Variants in FBXO27 observed in about 807,000 individuals in gnomAD.
FBXO27 encodes F-box protein 27.
Under a neutral mutation model 28.3 loss-of-function variants are expected in FBXO27, and 28 were observed. That is an observed-to-expected ratio of 0.99 (90% CI 0.73 to 1.36). FBXO27 has a LOEUF of 1.36. FBXO27 is among the 40% of genes most tolerant of loss of function. The probability of loss-of-function intolerance (pLI) is 0.00; values close to 1 mark genes in which losing one functional copy is unlikely to be tolerated. For synonymous variants in FBXO27, 175 were observed against 167.3 expected, an observed-to-expected ratio of 1.05 and a Z score of -0.36; for missense variants, 388 against 394.1, an observed-to-expected ratio of 0.98 and a Z score of 0.13.
intron 2 of FBXO27, among the ~76,000 whole-genome samples, chr19:39,011,196 T>C (rs1377689323): frequency 6.6e-6 from 1 of 152,184 alleles, no homozygotes; most frequent in Non-Finnish European, 1.5e-5. Context: ...TTTGGGAGGC[T>C]GAGGAGGGCG....
At chr19:39,008,209 G>A (rs922329441) in intron 2 of FBXO27, among the ~76,000 whole-genome samples, 2 of 151,584 alleles carry the variant, frequency 1.3e-5, no homozygotes, top group Non-Finnish European at 2.9e-5. Flanking sequence ...AGGTTGCAGT[G>A]AGCGGAGATG....
chr19:39,006,161 C>T (rs1975733083), intron 2 of FBXO27, among the ~76,000 whole-genome samples: 1 of 152,176 alleles, frequency 6.6e-6, no homozygotes, highest in Non-Finnish European at 1.5e-5. Flanking sequence ...GTGGTTCATG[C>T]CTGTAATCTT....
At chr19:39,009,413 T>A (rs1232346244) in intron 2 of FBXO27, among the ~76,000 whole-genome samples, 1 of 152,202 alleles carries the variant, frequency 6.6e-6, no homozygotes, top group Non-Finnish European at 1.5e-5. Context: ...CCATCAGCAA[T>A]GTGTGAGGAT....
chr19:39,007,541 G>C (rs1292852309), intron 2 of FBXO27, among the ~76,000 whole-genome samples: 2 of 152,094 alleles, frequency 1.3e-5, no homozygotes, highest in Non-Finnish European at 2.9e-5. Context: ...GAAAGTTCTC[G>C]GGAGTAGTTC....
At chr19:39,026,281 T>G (rs1004709042) in intron 5 of FBXO27, among the ~76,000 whole-genome samples, 6 of 152,056 alleles carry the variant, frequency 3.9e-5, no homozygotes, top group Admixed American at 1.3e-4. Context: ...GGAGAAGCTC[T>G]GAGACTAAAT....
In FBXO27 at chr19:39,016,550, G is replaced by C. The variant is rs565609087; in HGVS notation, c.92-2003C>G. Among the ~76,000 whole-genome samples, 25 of 143,796 alleles carry C rather than the reference G, an allele frequency of 1.7e-4. No individual in the cohort carries two copies. The East Asian group carries it at 4.9e-3, about 28-fold the overall frequency. The allele number at this position is 143,796 out of a possible 152,430, so 94.3% of individuals were successfully genotyped here. A position where few individuals can be genotyped will look rare whatever the true frequency, so the allele number is the denominator to read the frequency against. ...GAAGATAACTTGAACTCAGGAGTTC[G>C]AGACCAGCCTGGGCAACATAGTGAG... On this transcript the variant is annotated intron_variant, in intron 1 of 2. Transcript: ENST00000598394.
chr19:39,011,827 CTTTTTT>C (rs71167612), intron 2 of FBXO27, among the ~76,000 whole-genome samples: 2 of 123,768 alleles, frequency 1.6e-5, no homozygotes, highest in Admixed American at 1.8e-4. Flanking sequence ...ATTTTCTTTT[CTTTTTT>C]TTTTTTTTTT....
intron 2 of FBXO27, among the ~76,000 whole-genome samples, chr19:39,012,473 C>T (rs533357524): frequency 1.3e-5 from 2 of 152,250 alleles, no homozygotes; most frequent in Admixed American, 6.5e-5. Flanking sequence ...CGTGAGCCAC[C>T]ACGCCCAGCG....
In FBXO27 at chr19:39,032,236, C is replaced by T; in HGVS notation, c.-9G>A. The T allele has an allele frequency of 7.0e-7, 1 of 1,428,714 alleles. No homozygotes were observed. Among genetic ancestry groups the T allele is most frequent in the South Asian group, 1.5e-5 (1 of 66,146 alleles). 88.5% of individuals were successfully genotyped at this position (1,428,714 alleles called of 1,614,324 possible). A position where few individuals can be genotyped will look rare whatever the true frequency, so the allele number is the denominator to read the frequency against. ...GAGACCGAGGCGCCCATGGTCCCCC[C>T]GCCAGGCCCGGCTGTGGCTGCGGGA... On this transcript the variant is annotated 5_prime_UTR_variant, in exon 2 of 6. Transcript: ENST00000292853. The surrounding 1 kb of genome is among the most constrained non-coding windows in gnomAD (Gnocchi z 4.7).
intron 5 of FBXO27, 109 bp from the exon 6 acceptor site, chr19:39,025,663 C>G: frequency 7.5e-7 from 1 of 1,325,916 alleles, no homozygotes; most frequent in Non-Finnish European, 1.0e-6. Context: ...TATAAAATCT[C>G]CAATTGGGCC....
chr19:39,026,373 G>C (rs1600227517), intron 5 of FBXO27, among the ~76,000 whole-genome samples: 1 of 152,312 alleles, frequency 6.6e-6, no homozygotes, highest in African/African-American at 2.4e-5. Context: ...GGCATCATCA[G>C]AATGTCACTG....
At chr19:39,030,806 C>T (rs2072897849) in intron 4 of FBXO27, 2 of 570,086 alleles carry the variant, frequency 3.5e-6, no homozygotes, top group African/African-American at 3.8e-5. Context: ...CGAGGTTTTG[C>T]CATGCTGGTT....
intron 2 of FBXO27, among the ~76,000 whole-genome samples, chr19:39,008,264 C>CAAA (rs567620173): frequency 6.1e-4 from 60 of 98,880 alleles, no homozygotes; most frequent in African/African-American, 2.2e-3. Context: ...GACTCTGTCT[C>CAAA]AAAAAAAAAA....
chr19:39,013,341 A>T (rs2144883812), intron 2 of FBXO27, among the ~76,000 whole-genome samples: 1 of 152,294 alleles, frequency 6.6e-6, no homozygotes, highest in East Asian at 1.9e-4. Context: ...TTAGAAATAC[A>T]TTCGATGGCC....
rs777894140 is a variant in FBXO27 at position 39,031,136 on chromosome 19, G to A, written c.477-12C>T. 12 of 1,613,592 alleles carry A rather than the reference G, an allele frequency of 7.4e-6. No homozygotes were observed. In the East Asian group the frequency reaches 1.1e-4, roughly 15 times the overall value. On this transcript the variant is annotated splice_polypyrimidine_tract_variant and intron_variant, in intron 3 of 5. Coordinates refer to ENST00000292853, the MANE Select transcript of FBXO27 (RefSeq NM_178820.5). The stretch of plus-strand genomic sequence containing the variant: ...TCTTGCAACACCAGCTGGGAATGCA[G>A]GAGACAGGGTAATGAGAACAGGCAG...
chr19:39,031,721 C>A, intron 2 of FBXO27, 143 bp downstream of exon 2: 1 of 1,332,990 alleles, frequency 7.5e-7, no homozygotes, highest in Non-Finnish European at 9.8e-7. Context: ...TGCTGCCCCG[C>A]CTCTCCGACT....
chr19:39,032,395 C>T lies in FBXO27; in HGVS notation c.-27+108G>A, dbSNP rs999175514. On this transcript the variant is annotated intron_variant, in intron 1 of 5. Coordinates refer to ENST00000292853, the MANE Select transcript of FBXO27 (RefSeq NM_178820.5). The surrounding 1 kb of genome is among the most constrained non-coding windows in gnomAD (Gnocchi z 4.7). ...CCAAGTCCCCATCCCCCAGCCCGTC[C>T]TTGATAGCCCCGATATCCCGGAGAC... is the stretch of plus-strand genomic sequence containing the variant. The T allele has an allele frequency of 3.2e-5, 32 of 992,004 alleles. No homozygotes were observed. Among genetic ancestry groups the T allele is most frequent in the Admixed American group, 2.5e-4 (6 of 24,426 alleles). 61.5% of individuals were successfully genotyped at this position (992,004 alleles called of 1,614,324 possible). A position where few individuals can be genotyped will look rare whatever the true frequency, so the allele number is the denominator to read the frequency against.
Position 39,025,198 on chromosome 19 carries a change from A to C in FBXO27, c.*213T>G. On this transcript the variant is annotated 3_prime_UTR_variant, in exon 6 of 6. Transcript: ENST00000292853. ...GTACAGTAGGGCCCCCCCGCAAAGCAGCAGCTGCAGTAGGTAGATAAGATG... is the reference window on the plus strand; with the variant it reads ...GTACAGTAGGGCCCCCCCGCAAAGCCGCAGCTGCAGTAGGTAGATAAGATG... 31 of 542,508 alleles carry C rather than the reference A, an allele frequency of 5.7e-5. No individual in the cohort carries two copies. The highest frequency in any genetic ancestry group is 5.3e-4 in the Middle Eastern group (1 of 1,884). 33.6% of individuals were successfully genotyped at this position (542,508 alleles called of 1,614,324 possible).
At chr19:39,007,978 T>C (rs1357550220) in intron 2 of FBXO27, among the ~76,000 whole-genome samples, 1 of 152,142 alleles carries the variant, frequency 6.6e-6, no homozygotes, top group African/African-American at 2.4e-5. Flanking sequence ...AAAAATGTTT[T>C]ATTGGCTAGG....
Sources: gnomAD v4.1 joint callset for allele counts (sites outside exome capture counted in the v4.1 genomes callset) on GRCh38, gnomAD v4.1.1 for gene constraint, Gnocchi (gnomAD v3.1) non-coding constraint, MANE v1.5 for transcripts, NCBI Gene and HGNC (gene_info 2026-07-23, HGNC 2026-07-21) for gene names.